ATG10: variants seen among roughly 807,000 people sequenced by gnomAD.
ATG10 encodes ubiquitin-like-conjugating enzyme ATG10.
In ATG10, 30 loss-of-function variants were observed where a neutral mutation model predicts 32.1. The observed-to-expected ratio is 0.94, with a 90% CI of 0.70 to 1.27. The LOEUF (loss-of-function observed/expected upper bound fraction) is 1.27. ATG10 is among the 50% of genes most tolerant of loss of function. The pLI is 0.00. For synonymous variants in ATG10, 87 were observed against 91.5 expected, an observed-to-expected ratio of 0.95 and a Z score of 0.28; for missense variants, 233 against 262.3, an observed-to-expected ratio of 0.89 and a Z score of 0.77.
intron 3 of ATG10, among the ~76,000 whole-genome samples, chr5:82,115,132 G>A (rs2149818802): frequency 6.6e-6 from 1 of 152,126 alleles, no homozygotes; most frequent in African/African-American, 2.4e-5. Context: ...TGATAAAAAT[G>A]TCATAGAATG....
intron 3 of ATG10, among the ~76,000 whole-genome samples, chr5:82,082,802 C>G (rs138000407): frequency 4.6e-4 from 70 of 152,146 alleles, no homozygotes; most frequent in African/African-American, 1.5e-3. Flanking sequence ...TAATTCCAAT[C>G]ATGGTTGTCT....
intron 4 of ATG10, among the ~76,000 whole-genome samples, chr5:82,177,207 T>C (rs1744065465): frequency 1.3e-5 from 2 of 152,094 alleles, no homozygotes; most frequent in Admixed American, 6.6e-5. Context: ...CCAGAAAGGA[T>C]CATTATTCTC....
chr5:82,249,806 G>A (rs1747174519), intron 5 of ATG10, among the ~76,000 whole-genome samples: 3 of 152,206 alleles, frequency 2.0e-5, no homozygotes, highest in Admixed American at 6.5e-5. Context: ...TTACAAAGCA[G>A]CATCAAATGA....
At chr5:82,218,428 T>C in intron 5 of ATG10, among the ~76,000 whole-genome samples, 1 of 152,216 alleles carries the variant, frequency 6.6e-6, no homozygotes, top group East Asian at 1.9e-4. Flanking sequence ...AGAATGATCA[T>C]TGCTATTATA....
intron 5 of ATG10, among the ~76,000 whole-genome samples, chr5:82,230,732 C>CAAAAAAA (rs397881697): frequency 3.4e-5 from 2 of 58,790 alleles, no homozygotes; most frequent in Non-Finnish European, 6.2e-5. Flanking sequence ...GACTCCGTCT[C>CAAAAAAA]AAAAAAAAAA....
At chr5:82,162,836 G>C (rs574808465) in intron 3 of ATG10, among the ~76,000 whole-genome samples, 2 of 150,454 alleles carry the variant, frequency 1.3e-5, no homozygotes, top group East Asian at 3.9e-4. Flanking sequence ...AAGCAGGGGC[G>C]GGGGTGGGGA....
intron 2 of ATG10, among the ~76,000 whole-genome samples, chr5:82,049,750 G>A (rs1341371618): frequency 6.6e-6 from 1 of 152,024 alleles, no homozygotes; most frequent in African/African-American, 2.4e-5. Context: ...TAACTAGAGA[G>A]TGAGTTCAAA....
At chr5:82,018,500 A>C (rs974114910) in intron 2 of ATG10, among the ~76,000 whole-genome samples, 2 of 152,144 alleles carry the variant, frequency 1.3e-5, no homozygotes, top group African/African-American at 4.8e-5. Flanking sequence ...TAAAAGCCAA[A>C]ATATTTACAA....
intron 3 of ATG10, among the ~76,000 whole-genome samples, chr5:82,125,760 CT>C (rs1390102837): frequency 1.3e-5 from 2 of 151,814 alleles, no homozygotes; most frequent in Non-Finnish European, 2.9e-5. Context: ...TATGAGGGCT[CT>C]TTTTTTGCTT....
intron 6 of ATG10, among the ~76,000 whole-genome samples, chr5:82,252,995 T>C (rs1747325506): frequency 6.6e-6 from 1 of 152,242 alleles, no homozygotes; most frequent in Admixed American, 6.5e-5. Context: ...AACCATGCTC[T>C]TAATCACTGC....
At chr5:82,145,618 A>G (rs1318179232) in intron 3 of ATG10, among the ~76,000 whole-genome samples, 1 of 152,184 alleles carries the variant, frequency 6.6e-6, no homozygotes, top group Non-Finnish European at 1.5e-5. Flanking sequence ...GTACAGATGT[A>G]CATGCACATT....
At chr5:82,225,646 C>T (rs763962694) in intron 5 of ATG10, among the ~76,000 whole-genome samples, 4 of 152,136 alleles carry the variant, frequency 2.6e-5, no homozygotes, top group African/African-American at 7.2e-5. Context: ...CTGCCTTAAC[C>T]GATGCCAAAG....
intron 5 of ATG10, among the ~76,000 whole-genome samples, chr5:82,198,607 A>G (rs902284540): frequency 3.3e-5 from 5 of 152,196 alleles, no homozygotes; most frequent in Non-Finnish European, 7.3e-5. Flanking sequence ...CCTTAACTGT[A>G]AACTCAGCCC....
At chr5:82,250,779 GTC>G (rs1359517426) in intron 5 of ATG10, among the ~76,000 whole-genome samples, 1 of 152,194 alleles carries the variant, frequency 6.6e-6, no homozygotes, top group Non-Finnish European at 1.5e-5. Flanking sequence ...AGATGCAGTG[GTC>G]TCTATAACTA....
At chr5:82,043,819 C>T (rs1763157870) in intron 2 of ATG10, among the ~76,000 whole-genome samples, 1 of 152,154 alleles carries the variant, frequency 6.6e-6, no homozygotes, top group Non-Finnish European at 1.5e-5. Context: ...GCTGAGAACA[C>T]CTCAGCCTGG....
At chr5:82,163,931 A>G (rs780537119) in intron 3 of ATG10, among the ~76,000 whole-genome samples, 8 of 152,208 alleles carry the variant, frequency 5.3e-5, no homozygotes, top group Admixed American at 3.3e-4. Context: ...TTTCTTATTC[A>G]AAATGGAACT....
intron 2 of ATG10, among the ~76,000 whole-genome samples, chr5:82,011,895 G>C (rs1366776716): frequency 6.6e-6 from 1 of 152,192 alleles, no homozygotes; most frequent in African/African-American, 2.4e-5. Context: ...AAGCTTCTCT[G>C]TAATCCTTCA....
At chr5:81,993,319 CTTT>C (rs1561243945) in intron 2 of ATG10, among the ~76,000 whole-genome samples, 2 of 113,562 alleles carry the variant, frequency 1.8e-5, no homozygotes, top group African/African-American at 7.6e-5. Context: ...TCCTTTCTTT[CTTT>C]CTTTCCTTCC....
At chr5:81,994,154 TG>T (rs1253305026) in intron 2 of ATG10, among the ~76,000 whole-genome samples, 1 of 152,188 alleles carries the variant, frequency 6.6e-6, no homozygotes, top group East Asian at 1.9e-4. Context: ...GAAGTATCTT[TG>T]TAGAAGTCCC....
Sources: allele counts gnomAD v4.1 joint callset (sites outside exome capture counted in the v4.1 genomes callset), GRCh38; gene constraint gnomAD v4.1.1; transcripts MANE v1.5; gene names NCBI Gene and HGNC (gene_info 2026-07-23, HGNC 2026-07-21).